The following CLYBL variants were observed in gnomAD, a reference collection of about 807,000 sequenced individuals.
The protein encoded by CLYBL is citramalyl-CoA lyase, mitochondrial.
In CLYBL, 31 loss-of-function variants were observed where a neutral mutation model predicts 38.9. The ratio of observed to expected loss-of-function variants is 0.80; its 90% CI spans 0.60 to 1.08. CLYBL has a LOEUF of 1.08. CLYBL is among the 50% of genes least tolerant of loss of function. The pLI, the probability that CLYBL is intolerant of heterozygous loss-of-function variation, is 0.00. For missense variants in CLYBL, 434 were observed against 411.6 expected (o/e 1.05, Z -0.47); for synonymous variants, 171 against 158.6 (o/e 1.08, Z -0.59).
At chr13:99,721,298 C>A (rs1033217101) in intron 1 of CLYBL, among the ~76,000 whole-genome samples, 1 of 152,030 alleles carries the variant, frequency 6.6e-6, no homozygotes, top group Non-Finnish European at 1.5e-5. Flanking sequence ...CCCGCCTCAG[C>A]CTCCCAAAGT....
chr13:99,855,526 G>A (rs757686063), intron 2 of CLYBL, among the ~76,000 whole-genome samples: 7 of 152,162 alleles, frequency 4.6e-5, no homozygotes, highest in East Asian at 1.9e-4. Context: ...AGTGTGAAGC[G>A]TGAAGGATGA....
At chr13:99,724,069 C>T (rs1323051356) in intron 1 of CLYBL, among the ~76,000 whole-genome samples, 3 of 152,092 alleles carry the variant, frequency 2.0e-5, no homozygotes, top group Non-Finnish European at 4.4e-5. Flanking sequence ...TTTGCTGTAC[C>T]TCAGAAGTCC....
chr13:99,776,185 A>AAATAAT lies in CLYBL; in HGVS notation c.249+3194_249+3199dup, dbSNP rs776856192. ...TCTCAAAAAAAAAAAACCAAAAAAC[A>AAATAAT]AATAATAATAATAATAATAATAATC... On this transcript the variant is annotated intron_variant, in intron 2 of 8. Transcript: ENST00000339105. 6.4e-3 allele frequency among the ~76,000 whole-genome samples: 919 copies of AAATAAT among 143,210 alleles called. 1 individual carries two copies. Among genetic ancestry groups the AAATAAT allele is most frequent in the Middle Eastern group, 0.041 (9 of 218 alleles). The allele number at this position is 143,210 out of a possible 152,430, so 94.0% of individuals were successfully genotyped here. A position where few individuals can be genotyped will look rare whatever the true frequency, so the allele number is the denominator to read the frequency against.
At position 99,791,351 on chromosome 13, in the gene CLYBL, TG is replaced by T. The variant is rs1174038490; in HGVS notation, c.249+18342del. Among the ~76,000 whole-genome samples, 16 of 71,370 alleles carry T rather than the reference TG, an allele frequency of 2.2e-4. 1 individual carries two copies. In the East Asian group the frequency reaches 5.9e-3, roughly 26 times the overall value. 46.8% of individuals were successfully genotyped at this position (71,370 alleles called of 152,430 possible). ...AAACTCTGAAATGCTACATAAATAG[TG>T]TCTTTTTTAAAAAAAAAACAAACAA... is the stretch of plus-strand genomic sequence containing the variant. On this transcript the variant is annotated intron_variant, in intron 2 of 8. Coordinates refer to ENST00000339105, the MANE Select transcript of CLYBL (RefSeq NM_206808.5).
In CLYBL at chr13:99,849,158, A is replaced by AC. The variant is rs995534615; in HGVS notation, c.250-9703_250-9702insC. On this transcript the variant is annotated intron_variant, in intron 2 of 8. Coordinates refer to ENST00000339105, the MANE Select transcript of CLYBL (RefSeq NM_206808.5). The surrounding 1 kb of genome is among the most constrained non-coding windows in gnomAD (Gnocchi z 4.9). ...ATCTCAAAAAAAGAAAAAAGAAAAA[A>AC]AAAACACTATTGAGAAAGACAGTGT... 4.0e-5 allele frequency among the ~76,000 whole-genome samples: 6 copies of AC among 151,498 alleles called. No individual in the cohort carries two copies. Among genetic ancestry groups the AC allele is most frequent in the African/African-American group, 1.5e-4 (6 of 41,132 alleles).
chr13:99,815,749 C>T (rs1255781246), intron 2 of CLYBL, among the ~76,000 whole-genome samples: 1 of 152,090 alleles, frequency 6.6e-6, no homozygotes, highest in African/African-American at 2.4e-5. Flanking sequence ...TGATTGTGTG[C>T]ACCTGTAATC....
chr13:99,681,481 A>T (rs2047733876), intron 1 of CLYBL, among the ~76,000 whole-genome samples: 1 of 152,240 alleles, frequency 6.6e-6, no homozygotes. Context: ...AGACCAAGAG[A>T]GACAGAGAGA....
At chr13:99,614,173 C>CT (rs1216608298) in intron 1 of CLYBL, among the ~76,000 whole-genome samples, 2 of 151,974 alleles carry the variant, frequency 1.3e-5, no homozygotes, top group Non-Finnish European at 2.9e-5. Flanking sequence ...TTGACAGAAG[C>CT]TGGGAGAAAG....
chr13:99,623,121 AC>A (rs2046821313), intron 1 of CLYBL, among the ~76,000 whole-genome samples: 1 of 152,188 alleles, frequency 6.6e-6, no homozygotes, highest in African/African-American at 2.4e-5. Context: ...TTAGGTTTAT[AC>A]CTAGGAACTG....
In CLYBL at chr13:99,891,321, G is replaced by A. The variant is rs35611394; in HGVS notation, c.931G>A (p.Ala311Thr). Residue 311 changes from alanine to threonine, a missense_variant, in exon 8 of 9, where the codon GCC becomes ACC. Coordinates refer to ENST00000339105, the MANE Select transcript of CLYBL (RefSeq NM_206808.5). ...GTTTGTATTCTCTGTTTTCCAGGGG[G>A]CCTTTACTTTCCAAGGGAGTATGAT... ...FKEHQQLGKG[A>T]FTFQGSMIDM... 16 of 1,611,136 alleles carry A rather than the reference G, an allele frequency of 9.9e-6. No homozygotes were observed. Among genetic ancestry groups the A allele is most frequent in the Non-Finnish European group, 1.4e-5 (16 of 1,177,400 alleles).
chr13:99,895,270 TC>T (rs71114647), downstream of CLYBL: 26,456 of 152,218 alleles, frequency 0.17, 2,658 homozygotes, highest in East Asian at 0.3. Flanking sequence ...GGAAGGACCT[TC>T]CGCTTTTATG....
intron 7 of CLYBL, among the ~76,000 whole-genome samples, chr13:99,876,563 C>T (rs768817556): frequency 5.3e-5 from 8 of 151,626 alleles, no homozygotes; most frequent in African/African-American, 1.2e-4. Flanking sequence ...CATATTTTTC[C>T]GGGTTTTATT....
intron 7 of CLYBL, among the ~76,000 whole-genome samples, chr13:99,877,356 G>A (rs1020928888): frequency 9.9e-4 from 150 of 151,972 alleles, no homozygotes; most frequent in African/African-American, 3.4e-3. Context: ...GGATGGATGG[G>A]TCTGTGTGTG....
chr13:99,806,361 A>G (rs938087701), intron 2 of CLYBL, among the ~76,000 whole-genome samples: 5 of 152,054 alleles, frequency 3.3e-5, no homozygotes, highest in African/African-American at 1.2e-4. Flanking sequence ...TTGTTGCCTT[A>G]ATTAGTTTTT....
intron 1 of CLYBL, among the ~76,000 whole-genome samples, chr13:99,772,604 G>A (rs766726504): frequency 6.6e-6 from 1 of 152,068 alleles, no homozygotes; most frequent in Non-Finnish European, 1.5e-5. Context: ...AGGCTGAGGT[G>A]GGAGGATCAC....
At chr13:99,704,637 T>C (rs995959708) in intron 1 of CLYBL, among the ~76,000 whole-genome samples, 2 of 152,240 alleles carry the variant, frequency 1.3e-5, no homozygotes, top group Non-Finnish European at 2.9e-5. Context: ...GGTGCTCGAC[T>C]GTGTACAAAC....
chr13:99,643,061 G>A (rs2047120157), intron 1 of CLYBL: 1 of 153,656 alleles, frequency 6.5e-6, no homozygotes, highest in Admixed American at 6.5e-5. Context: ...GCCCTTTTAA[G>A]CTGCTTAGTG....
intron 7 of CLYBL, among the ~76,000 whole-genome samples, chr13:99,872,675 C>T (rs2051937638): frequency 1.3e-5 from 2 of 152,296 alleles, no homozygotes; most frequent in South Asian, 4.2e-4. Flanking sequence ...GTGTCTATGA[C>T]CCATCCCAGC....
chr13:99,776,906 G>A (rs866387802), intron 2 of CLYBL, among the ~76,000 whole-genome samples: 12 of 151,298 alleles, frequency 7.9e-5, no homozygotes, highest in South Asian at 2.1e-4. Flanking sequence ...ATAGAGTTTT[G>A]CTATTGTTGC....
Sources: gnomAD v4.1 joint callset for allele counts (sites outside exome capture counted in the v4.1 genomes callset) on GRCh38, gnomAD v4.1.1 for gene constraint, Gnocchi (gnomAD v3.1) non-coding constraint, MANE v1.5 for transcripts, NCBI Gene and HGNC (gene_info 2026-07-23, HGNC 2026-07-21) for gene names.